The following ZC3H12C variants were observed in gnomAD, a reference collection of about 807,000 sequenced individuals.
ZC3H12C encodes the protein zinc finger CCCH-type containing 12C.
ZC3H12C carries 20 observed loss-of-function variants against 76.3 expected under a neutral mutation model. The ratio of observed to expected loss-of-function variants is 0.26; its 90% CI spans 0.18 to 0.38. ZC3H12C has a LOEUF of 0.38. Among genes scored for constraint, ZC3H12C ranks in the 10% least tolerant of loss-of-function variants. ZC3H12C has a pLI of 1.00. For missense variants in ZC3H12C, 874 were observed against 1,086.5 expected, an observed-to-expected ratio of 0.80 and a Z score of 2.75; for synonymous variants, 352 against 399.6, an observed-to-expected ratio of 0.88 and a Z score of 1.42.
chr11:110,150,751 TG>T (rs1862258319), intron 2 of ZC3H12C, among the ~76,000 whole-genome samples: 1 of 152,196 alleles, frequency 6.6e-6, no homozygotes, highest in Non-Finnish European at 1.5e-5. Context: ...TCAATTAGTA[TG>T]GTTGTGGATT....
At chr11:110,115,748 C>CTTTTTTTTTTTTTTTTTTTTTTTTTTT (rs71476067) in intron 1 of ZC3H12C, among the ~76,000 whole-genome samples, 2 of 120,320 alleles carry the variant, frequency 1.7e-5, no homozygotes, top group Non-Finnish European at 1.7e-5. Context: ...TTCTCATTTT[C>CTTTTTTTTTTTTTTTTTTTTTTTTTTT]TTTTTTTTTT....
intron 1 of ZC3H12C, among the ~76,000 whole-genome samples, chr11:110,128,625 A>G (rs1453868393): frequency 6.6e-6 from 1 of 152,166 alleles, no homozygotes; most frequent in Non-Finnish European, 1.5e-5. Context: ...TACACAAAAG[A>G]AAGAGTTTCT....
rs140546017 is a variant in ZC3H12C at position 110,157,563 on chromosome 11, G to T, written c.914-1693G>T. On this transcript the variant is annotated intron_variant, in intron 3 of 5. Transcript: ENST00000278590. ...CAATTCTCCTGCCTCAGCTTCCCAG[G>T]TAGCTGGGATTACAGGTGTGCACCA... Among the ~76,000 whole-genome samples the T allele has an allele frequency of 1.8e-4, 27 of 151,722 alleles. 1 individual carries two copies. Among genetic ancestry groups the T allele is most frequent in the African/African-American group, 6.5e-4 (27 of 41,388 alleles).
intron 1 of ZC3H12C, among the ~76,000 whole-genome samples, chr11:110,127,585 G>C (rs1476598935): frequency 1.3e-5 from 2 of 152,012 alleles, no homozygotes; most frequent in Admixed American, 1.3e-4. Flanking sequence ...CTTCCATGGT[G>C]TTATCATTAG....
intron 1 of ZC3H12C, among the ~76,000 whole-genome samples, chr11:110,119,395 C>T (rs1861614062): frequency 1.7e-5 from 1 of 60,092 alleles, no homozygotes. Context: ...TTCCAGACAT[C>T]CTTCAATCAG....
chr11:110,093,560 T>C (rs979384874), intron 1 of ZC3H12C, 128 bp downstream of exon 1: 11 of 630,818 alleles, frequency 1.7e-5, no homozygotes, highest in Non-Finnish European at 2.1e-5. Context: ...CGCAGCGACC[T>C]CGCCGTGTGA....
intron 2 of ZC3H12C, among the ~76,000 whole-genome samples, chr11:110,142,729 G>A (rs1156238722): frequency 6.6e-6 from 1 of 152,048 alleles, no homozygotes; most frequent in East Asian, 1.9e-4. Context: ...TGACTTCCAG[G>A]CTTCTATTTT....
At chr11:110,123,108 A>G (rs641158) in intron 1 of ZC3H12C, among the ~76,000 whole-genome samples, 107,803 of 152,088 alleles carry the variant, frequency 0.71, 38,517 homozygotes, top group East Asian at 0.89. Flanking sequence ...TTTTCAGACC[A>G]TAGTTGACTG....
intron 1 of ZC3H12C, among the ~76,000 whole-genome samples, chr11:110,127,480 C>G (rs973562716): frequency 1.1e-4 from 17 of 151,976 alleles, no homozygotes; most frequent in African/African-American, 4.1e-4. Context: ...GTGGTGGTTG[C>G]TTCTTTTTTT....
At chr11:110,099,517 A>G (rs563929315) in intron 1 of ZC3H12C, among the ~76,000 whole-genome samples, 2 of 152,324 alleles carry the variant, frequency 1.3e-5, no homozygotes, top group Admixed American at 1.3e-4. Context: ...AGAAAATGAA[A>G]GCCACCTAAA....
chr11:110,093,460 C>A, intron 1 of ZC3H12C, 28 bp downstream of exon 1: 1 of 1,200,714 alleles, frequency 8.3e-7, no homozygotes, highest in Non-Finnish European at 1.0e-6. Context: ...GGGTGGGGGA[C>A]GCGGACCGCG....
rs1024979970 is a variant in ZC3H12C at position 110,164,447 on chromosome 11, G to A, written c.1362G>A (p.Thr454=). ...AACTCCGTGCCATGTCTAGAAATAC[G>A]GCAGCCAAAACTGCAAACGAAGGAG... is the stretch of plus-strand genomic sequence containing the variant. ...ADELRAMSRN[T]AAKTANEGGL... The change falls in exon 6 of 6, where the codon ACG becomes ACA. Residue 454 remains threonine (T), a synonymous_variant. Transcript: ENST00000278590. This position sits in a 1 kb window ranked among gnomAD's most constrained non-coding sequence, Gnocchi z 5.7. 8 of 1,613,826 alleles carry A rather than the reference G, an allele frequency of 5.0e-6. No homozygotes were observed. The East Asian group carries it at 6.7e-5, about 13-fold the overall frequency.
Position 110,136,861 on chromosome 11 carries a change from G to C in ZC3H12C, c.220G>C (p.Gly74Arg). The C allele has an allele frequency of 6.2e-7, 1 of 1,613,858 alleles. No individual in the cohort carries two copies. The highest frequency in any genetic ancestry group is 1.3e-5 in the African/African-American group (1 of 75,038). Residue 74 changes from glycine to arginine, a missense_variant, in exon 2 of 6, where the codon GGG (glycine) becomes CGG (arginine). Physicochemically the swap from Gly to Arg is moderately radical, Grantham distance 125 (BLOSUM62 -2). Around this residue, in one of 3 missense-constraint regions of ZC3H12C, gnomAD observed 210 missense variants for 227.1 expected, o/e 0.92. Coordinates refer to ENST00000278590, the MANE Select transcript of ZC3H12C (RefSeq NM_033390.2). Reference sequence around the variant, plus strand: ...CCCAAGTATGGATACCGTTAATGTGGGGAAGGATGAAAAAGAGGCGTCTGA... The same window carrying C: ...CCCAAGTATGGATACCGTTAATGTGCGGAAGGATGAAAAAGAGGCGTCTGA... ...ENPSMDTVNV[G>R]KDEKEASEEN...
chr11:110,136,552 G>A, intron 1 of ZC3H12C, 111 bp from the exon 2 acceptor site: 4 of 1,233,706 alleles, frequency 3.2e-6, no homozygotes, highest in Non-Finnish European at 4.5e-6. Context: ...AGAGGATGTA[G>A]ACAAAATACA....
rs77144411 is a variant in ZC3H12C, at chr11:110,104,226, T to A, written c.21+10794T>A. 4.7e-4 allele frequency among the ~76,000 whole-genome samples: 71 copies of A among 152,032 alleles called. 1 individual carries two copies. The East Asian group carries it at 8.0e-3, about 17-fold the overall frequency. On this transcript the variant is annotated intron_variant, in intron 1 of 5. Transcript: ENST00000278590. ...GGCATGCACCACCACACCCAAGTAA[T>A]TTTTGTATTTTTAGTAGAGACGAGG...
At chr11:110,151,304 T>C (rs1297992124) in intron 2 of ZC3H12C, among the ~76,000 whole-genome samples, 1 of 152,160 alleles carries the variant, frequency 6.6e-6, no homozygotes, top group Non-Finnish European at 1.5e-5. Context: ...CCAAATGAAA[T>C]TACCAGGAAG....
intron 2 of ZC3H12C, among the ~76,000 whole-genome samples, chr11:110,142,396 C>T (rs1591478261): frequency 6.6e-6 from 1 of 152,132 alleles, no homozygotes; most frequent in East Asian, 1.9e-4. Context: ...ACTAGTGTTA[C>T]CAGTTATACA....
Position 110,154,126 on chromosome 11 carries a change from C to A in ZC3H12C, c.913+1068C>A, listed in dbSNP as rs142277714. Among the ~76,000 whole-genome samples the A allele has an allele frequency of 3.3e-5, 5 of 152,268 alleles. 1 individual carries two copies. Among genetic ancestry groups the A allele is most frequent in the African/African-American group, 1.2e-4 (5 of 41,550 alleles). On this transcript the variant is annotated intron_variant, in intron 3 of 5. Transcript: ENST00000278590. ...GTGGCTCATGCCTGTAATCCCAGAACTTTGGGAGGCCGAGGCGGGAAGATC... is the reference window on the plus strand; with the variant it reads ...GTGGCTCATGCCTGTAATCCCAGAAATTTGGGAGGCCGAGGCGGGAAGATC...
chr11:110,122,705 GC>G (rs1348032616), intron 1 of ZC3H12C, among the ~76,000 whole-genome samples: 1 of 152,124 alleles, frequency 6.6e-6, no homozygotes, highest in Non-Finnish European at 1.5e-5. Context: ...TATAAACTGG[GC>G]TTTGTGTTAG....
Sources: allele counts gnomAD v4.1 joint callset (sites outside exome capture counted in the v4.1 genomes callset), GRCh38; gene constraint gnomAD v4.1.1; regional missense constraint gnomAD v4.1.1; non-coding constraint Gnocchi (gnomAD v3.1); transcripts MANE v1.5; gene names NCBI Gene and HGNC (gene_info 2026-07-23, HGNC 2026-07-21).